The following PPP2R5A variants were observed in gnomAD, a reference collection of about 807,000 sequenced individuals.
The protein encoded by PPP2R5A is protein phosphatase 2 regulatory subunit B'alpha.
A neutral mutation model predicts 64.2 loss-of-function variants in PPP2R5A; 25 were observed. That is an observed-to-expected ratio of 0.39 (90% confidence interval 0.28 to 0.54). The LOEUF (loss-of-function observed/expected upper bound fraction) is 0.54. Among genes scored for constraint, PPP2R5A ranks in the 20% least tolerant of loss-of-function variants. PPP2R5A has a pLI of 0.67. For synonymous variants in PPP2R5A, 198 were observed against 201.2 expected (o/e 0.98, Z 0.13); for missense variants, 425 against 576.3 (o/e 0.74, Z 2.69).
In PPP2R5A at chr1:212,360,995, G is replaced by T. The variant is rs542024971; in HGVS notation, c.*225G>T. ...TCATTGGATTTATTGTGTCACTTCT[G>T]AAGTTTCACAGAAATGAATGAATTT... On this transcript the variant is annotated 3_prime_UTR_variant, in exon 13 of 13. Transcript: ENST00000261461. 2.7e-4 allele frequency: 85 copies of T among 317,338 alleles called. No individual in the cohort carries two copies. Among genetic ancestry groups the T allele is most frequent in the African/African-American group, 1.5e-3 (71 of 46,888 alleles). The allele number at this position is 317,338 out of a possible 1,614,324, so 19.7% of individuals were successfully genotyped here. A position where few individuals can be genotyped will look rare whatever the true frequency, so the allele number is the denominator to read the frequency against.
At chr1:212,320,241 T>C (rs189637289) in intron 1 of PPP2R5A, among the ~76,000 whole-genome samples, 6 of 152,264 alleles carry the variant, frequency 3.9e-5, no homozygotes, top group African/African-American at 1.4e-4. Flanking sequence ...AGCACATGTT[T>C]CAGAGAGCAC....
intron 1 of PPP2R5A, among the ~76,000 whole-genome samples, chr1:212,322,754 AT>A (rs933809446): frequency 1.1e-5 from 1 of 95,118 alleles, no homozygotes; most frequent in African/African-American, 4.2e-5. Flanking sequence ...ATTAATTCTC[AT>A]TTTATTTATT....
intron 10 of PPP2R5A, 32 bp from the exon 11 acceptor site, chr1:212,357,125 G>T (rs2102450795): frequency 6.3e-7 from 1 of 1,580,438 alleles, no homozygotes; most frequent in Admixed American, 1.9e-5. Context: ...TCCTATTTTA[G>T]TTTTGACATT....
At chr1:212,315,111 A>T (rs1659121570) in intron 1 of PPP2R5A, among the ~76,000 whole-genome samples, 1 of 152,234 alleles carries the variant, frequency 6.6e-6, no homozygotes, top group Admixed American at 6.5e-5. Context: ...GGCTTGTTTT[A>T]TAACTTTTCC....
At chr1:212,324,598 G>A (rs765460954) in intron 1 of PPP2R5A, among the ~76,000 whole-genome samples, 1 of 151,512 alleles carries the variant, frequency 6.6e-6, no homozygotes, top group African/African-American at 2.4e-5. Flanking sequence ...TGGTCATTAT[G>A]ATTAATTTTT....
chr1:212,317,783 C>T (rs1303567069), intron 1 of PPP2R5A, among the ~76,000 whole-genome samples: 2 of 151,834 alleles, frequency 1.3e-5, no homozygotes, highest in East Asian at 1.9e-4. Flanking sequence ...GTCAGGAGTT[C>T]GAGACCAGTC....
chr1:212,310,097 G>C (rs1304067352), intron 1 of PPP2R5A, among the ~76,000 whole-genome samples: 2 of 152,112 alleles, frequency 1.3e-5, no homozygotes, highest in African/African-American at 4.8e-5. Context: ...GGTTCTCTTT[G>C]TCTTTTCCTG....
chr1:212,337,455 G>A (rs1659609641), intron 3 of PPP2R5A, among the ~76,000 whole-genome samples: 2 of 152,044 alleles, frequency 1.3e-5, no homozygotes, highest in African/African-American at 4.8e-5. Flanking sequence ...TTTTCTCTCT[G>A]GGCAATATAA....
chr1:212,345,911 C>G lies in PPP2R5A; in HGVS notation c.682C>G (p.Gln228Glu). 1 of 1,605,534 alleles carries G rather than the reference C, an allele frequency of 6.2e-7. No individual in the cohort carries two copies. The highest frequency in any genetic ancestry group is 8.5e-7 in the Non-Finnish European group (1 of 1,174,888). ...TGGATTAAGAGCATTCATCAGAAAACAAATTAACAACATTTTCCTCAGGTA... is the reference window on the plus strand; with the variant it reads ...TGGATTAAGAGCATTCATCAGAAAAGAAATTAACAACATTTTCCTCAGGTA... ...FLGLRAFIRK[Q>E]INNIFLRFIY... The change falls in exon 5 of 13, where the codon CAA becomes GAA. Residue 228 changes from glutamine to glutamate, a missense_variant. By Grantham distance (29) the Gln-to-Glu change is conservative. Transcript: ENST00000261461.
chr1:212,304,550 A>G (rs1658860435), intron 1 of PPP2R5A, among the ~76,000 whole-genome samples: 1 of 151,864 alleles, frequency 6.6e-6, no homozygotes, highest in South Asian at 2.1e-4. Flanking sequence ...ACTCCATTTC[A>G]AAAACAAACA....
chr1:212,286,018 C>T lies in PPP2R5A; in HGVS notation c.-93C>T. 7.5e-7 allele frequency: 1 copy of T among 1,337,270 alleles called. No homozygotes were observed. The highest frequency in any genetic ancestry group is 9.7e-7 in the Non-Finnish European group (1 of 1,035,220). 82.8% of individuals were successfully genotyped at this position (1,337,270 alleles called of 1,614,324 possible). A position where few individuals can be genotyped will look rare whatever the true frequency, so the allele number is the denominator to read the frequency against. ...GGCCGGGGCGCAGGGGCGCGAGCAC[C>T]CCGCGCCTCTCCCCCGCCTCCTCCT... On this transcript the variant is annotated 5_prime_UTR_variant, in exon 1 of 13. Coordinates refer to ENST00000261461, the MANE Select transcript of PPP2R5A (RefSeq NM_006243.4).
chr1:212,286,494 CT>C (rs1283386722), intron 1 of PPP2R5A, among the ~76,000 whole-genome samples: 1 of 152,192 alleles, frequency 6.6e-6, no homozygotes, highest in Non-Finnish European at 1.5e-5. Context: ...TGGCTGTTTC[CT>C]TCTAATTCCC....
intron 6 of PPP2R5A, among the ~76,000 whole-genome samples, chr1:212,347,902 T>TA (rs1206479844): frequency 6.6e-6 from 1 of 152,156 alleles, no homozygotes; most frequent in Non-Finnish European, 1.5e-5. Context: ...ATTCACTACG[T>TA]ATTAGTATTA....
At chr1:212,320,358 C>T (rs537600509) in intron 1 of PPP2R5A, among the ~76,000 whole-genome samples, 3 of 152,318 alleles carry the variant, frequency 2.0e-5, no homozygotes, top group African/African-American at 7.2e-5. Flanking sequence ...TCTACACAGA[C>T]ATGGCAACCA....
chr1:212,333,842 G>A (rs529919526), intron 3 of PPP2R5A: 21 of 321,342 alleles, frequency 6.5e-5, no homozygotes, highest in African/African-American at 3.4e-4. Context: ...AAGTACATTC[G>A]CCATGTTATA....
chr1:212,357,094 T>C, intron 10 of PPP2R5A, 25 bp downstream of exon 10: 3 of 1,589,104 alleles, frequency 1.9e-6, no homozygotes, highest in South Asian at 2.3e-5. Flanking sequence ...GTGAAGCCTT[T>C]ACTTTACACT....
In PPP2R5A at chr1:212,329,154, A is replaced by G; in HGVS notation, c.201A>G (p.Gln67=). 6.5e-7 allele frequency: 1 copy of G among 1,531,916 alleles called. No individual in the cohort carries two copies. The highest frequency in any genetic ancestry group is 8.8e-7 in the Non-Finnish European group (1 of 1,139,038). 94.9% of individuals were successfully genotyped at this position (1,531,916 alleles called of 1,614,324 possible). A position where few individuals can be genotyped will look rare whatever the true frequency, so the allele number is the denominator to read the frequency against. ...PQLKDATSNE[Q]QELFCQKLQQ... ...TTATAGATGCCACTTCAAATGAACA[A>G]CAAGAGCTTTTCTGTCAGAAGTTGC... Residue 67 remains glutamine, a synonymous_variant, in exon 2 of 13, where the codon CAA becomes CAG. Coordinates refer to ENST00000261461, the MANE Select transcript of PPP2R5A (RefSeq NM_006243.4).
At chr1:212,350,155 G>A (rs1011591674) in intron 8 of PPP2R5A, among the ~76,000 whole-genome samples, 5 of 152,154 alleles carry the variant, frequency 3.3e-5, no homozygotes, top group Non-Finnish European at 5.9e-5. Context: ...CCGTAGGGAT[G>A]CTTGAAAAAA....
rs1407449663 is a variant in PPP2R5A, at chr1:212,353,035, T to C, written c.928-3591T>C. On this transcript the variant is annotated intron_variant, in intron 8 of 12. Transcript: ENST00000261461. ...GTCATGGCTTAGGTGGGCCCTCTGC[T>C]CAGGGTCTCTTACAAAGCTGCAGTT... is the stretch of plus-strand genomic sequence containing the variant. 13 of 482,608 alleles carry C rather than the reference T, an allele frequency of 2.7e-5. No individual in the cohort carries two copies. The East Asian group carries it at 7.2e-4, about 27-fold the overall frequency. The allele number at this position is 482,608 out of a possible 1,614,324, so 29.9% of individuals were successfully genotyped here.
Sources: gnomAD v4.1 joint callset for allele counts (sites outside exome capture counted in the v4.1 genomes callset) on GRCh38, gnomAD v4.1.1 for gene constraint, MANE v1.5 for transcripts, NCBI Gene and HGNC (gene_info 2026-07-23, HGNC 2026-07-21) for gene names.